KPNA5: variants seen among roughly 807,000 people sequenced by gnomAD.
The protein encoded by KPNA5 is importin subunit alpha-6.
In KPNA5, 46 loss-of-function variants were observed where a neutral mutation model predicts 71.3. The observed-to-expected ratio is 0.65, with a 90% confidence interval of 0.51 to 0.83. KPNA5 has a LOEUF of 0.83. Ranked by LOEUF, KPNA5 falls within the 40% of genes least tolerant of loss-of-function variation. KPNA5 has a pLI of 0.00. For synonymous variants in KPNA5, 207 were observed against 201.4 expected (o/e 1.03, Z -0.24); for missense variants, 547 against 628.3 (o/e 0.87, Z 1.38).
chr6:116,724,356 GTGA>G lies in KPNA5; in HGVS notation c.985_987del (p.Asp329del). 2 of 1,610,300 alleles carry G rather than the reference GTGA, an allele frequency of 1.2e-6. No homozygotes were observed. Among genetic ancestry groups the G allele is most frequent in the Non-Finnish European group, 1.7e-6 (2 of 1,176,836 alleles). ...AGGGCAGTTGGTAATATTGTGACTG[GTGA>G]TGATATTCAAACACAGGTGAGTTCA... On this transcript the variant is annotated inframe_deletion, in exon 10 of 14. Transcript: ENST00000368564.
intron 4 of KPNA5, among the ~76,000 whole-genome samples, chr6:116,693,749 C>T (rs1328801576): frequency 1.3e-5 from 2 of 151,938 alleles, no homozygotes; most frequent in African/African-American, 4.8e-5. Flanking sequence ...AATTAGATCC[C>T]ATTTGTCAAT....
chr6:116,718,912 C>A (rs1779005913), intron 8 of KPNA5, among the ~76,000 whole-genome samples: 1 of 150,992 alleles, frequency 6.6e-6, no homozygotes, highest in African/African-American at 2.4e-5. Flanking sequence ...GGATTACAGA[C>A]ACCTGCCACC....
intron 8 of KPNA5, among the ~76,000 whole-genome samples, chr6:116,717,462 A>G (rs893766219): frequency 2.0e-5 from 3 of 152,096 alleles, no homozygotes; most frequent in Non-Finnish European, 2.9e-5. Flanking sequence ...TAATAATGTA[A>G]TCTGTCACTG....
rs369982059 is a variant in KPNA5, at chr6:116,696,341, CA to C, written c.341-2360del. On this transcript the variant is annotated intron_variant, in intron 4 of 13. Transcript: ENST00000368564. ...TTTACTGTATTTTTATTTGATCTGT[CA>C]AAGTAGGAAATATGGGAAAGCAAGC... Among the ~76,000 whole-genome samples the C allele has an allele frequency of 3.9e-3, 601 of 152,220 alleles. 15 individuals carry two copies. In the South Asian group the frequency reaches 0.041, roughly 10 times the overall value.
At chr6:116,686,945 G>A (rs1353424988) in intron 1 of KPNA5, among the ~76,000 whole-genome samples, 1 of 152,176 alleles carries the variant, frequency 6.6e-6, no homozygotes, top group African/African-American at 2.4e-5. Flanking sequence ...CTGTAGTACA[G>A]ATTGAAGTCA....
chr6:116,723,965 C>T (rs2114490208), intron 9 of KPNA5, among the ~76,000 whole-genome samples: 2 of 152,182 alleles, frequency 1.3e-5, no homozygotes, highest in Admixed American at 1.3e-4. Context: ...AAGGTTATAG[C>T]ACTTACGATA....
In KPNA5 at chr6:116,722,232, A is replaced by G; in HGVS notation, c.863A>G (p.Asp288Gly). 1 of 1,613,318 alleles carries G rather than the reference A, an allele frequency of 6.2e-7. No individual in the cohort carries two copies. The highest frequency in any genetic ancestry group is 1.1e-5 in the South Asian group (1 of 90,954). ...TCTTATCTCTCCGATGGACCCAATG[A>G]TAAAATTCAAGCAGTCATTGATTCT... ...ALSYLSDGPN[D>G]KIQAVIDSGV... The change falls in exon 9 of 14, where the codon GAT becomes GGT. Residue 288 changes from aspartate to glycine, a missense_variant. Transcript: ENST00000368564.
At chr6:116,716,343 A>G in intron 8 of KPNA5, 25 bp downstream of exon 8, 2 of 1,462,258 alleles carry the variant, frequency 1.4e-6, no homozygotes, top group Non-Finnish European at 9.5e-7. Flanking sequence ...CACAAATTAA[A>G]ATATTTGTTT....
chr6:116,711,832 G>A (rs1412905651), intron 7 of KPNA5, among the ~76,000 whole-genome samples: 4 of 152,076 alleles, frequency 2.6e-5, no homozygotes, highest in East Asian at 1.9e-4. Flanking sequence ...ACGTTGGCCC[G>A]GCTGGTCTCA....
chr6:116,709,800 C>G (rs1460909841), intron 7 of KPNA5, among the ~76,000 whole-genome samples: 1 of 150,758 alleles, frequency 6.6e-6, no homozygotes, highest in Non-Finnish European at 1.5e-5. Flanking sequence ...GAGTCATGCT[C>G]TGTCGCCAGG....
chr6:116,683,887 G>A (rs1185596360), intron 1 of KPNA5, among the ~76,000 whole-genome samples: 3 of 139,020 alleles, frequency 2.2e-5, no homozygotes, highest in African/African-American at 5.3e-5. Flanking sequence ...GTGAGCCACC[G>A]TGCCCGGCCT....
rs888325805 is a variant in KPNA5, at chr6:116,736,668, A to G, written c.*4345A>G. 1 of 151,988 alleles carries G rather than the reference A, an allele frequency of 6.6e-6. No individual in the cohort carries two copies. Among genetic ancestry groups the G allele is most frequent in the Non-Finnish European group, 1.5e-5 (1 of 67,930 alleles). 9.4% of individuals were successfully genotyped at this position (151,988 alleles called of 1,614,324 possible). A position where few individuals can be genotyped will look rare whatever the true frequency, so the allele number is the denominator to read the frequency against. On this transcript the variant is annotated 3_prime_UTR_variant, in exon 14 of 14. Transcript: ENST00000368564. Reference sequence around the variant, plus strand: ...TTTTCATCAAATTTGAAAACACAGCAATTATTTAAACATTTTTTCATTTCC... The same window carrying G: ...TTTTCATCAAATTTGAAAACACAGCGATTATTTAAACATTTTTTCATTTCC...
rs759150352 is a variant in KPNA5, at chr6:116,716,220, T to C, written c.658T>C (p.Leu220=). The C allele has an allele frequency of 4.4e-6, 7 of 1,607,830 alleles. No homozygotes were observed. The highest frequency in any genetic ancestry group is 1.3e-5 in the African/African-American group (1 of 74,632). Residue 220 remains leucine, a splice_region_variant and synonymous_variant, in exon 8 of 14, where the codon TTA becomes CTA. Transcript: ENST00000368564. ...TCTTTTTTTTCTTTTTCTTGGCAGG[T>C]TATTAACAAATTCAAACAGACTCAC... ...NCEILPPLLE[L]LTNSNRLTTT...
chr6:116,729,661 T>G lies in KPNA5; in HGVS notation c.1352T>G (p.Ile451Ser). The G allele has an allele frequency of 6.2e-7, 1 of 1,611,178 alleles. No homozygotes were observed. The highest frequency in any genetic ancestry group is 8.5e-7 in the Non-Finnish European group (1 of 1,178,484). The part of the protein sequence containing the change: ...VQVALNGLEN[I>S]LRLGEQESKQ... ...GTGGCTTTAAATGGACTTGAAAATA[T>G]TTTACGTCTTGGAGAACAAGAATCT... Residue 451 changes from isoleucine to serine, a missense_variant, in exon 13 of 14, where the codon ATT becomes AGT. Coordinates refer to ENST00000368564, the MANE Select transcript of KPNA5 (RefSeq NM_001366306.2).
At chr6:116,696,739 A>G (rs1261708664) in intron 4 of KPNA5, among the ~76,000 whole-genome samples, 1 of 152,090 alleles carries the variant, frequency 6.6e-6, no homozygotes, top group Non-Finnish European at 1.5e-5. Context: ...AATGACTAAA[A>G]GTCTTCTCGG....
At chr6:116,724,711 C>G (rs1779233603) in intron 10 of KPNA5, among the ~76,000 whole-genome samples, 1 of 152,138 alleles carries the variant, frequency 6.6e-6, no homozygotes, top group Non-Finnish European at 1.5e-5. Flanking sequence ...CTGGCTCAAG[C>G]AGTCCTCCCG....
chr6:116,707,486 C>G (rs1778491343), intron 7 of KPNA5, among the ~76,000 whole-genome samples: 1 of 152,202 alleles, frequency 6.6e-6, no homozygotes, highest in African/African-American at 2.4e-5. Context: ...CAGGTCAAAT[C>G]TGGCTTGCTT....
intron 8 of KPNA5, among the ~76,000 whole-genome samples, chr6:116,719,936 AC>A (rs1779042153): frequency 6.6e-6 from 1 of 152,192 alleles, no homozygotes; most frequent in South Asian, 2.1e-4. Context: ...ATGCAGACTT[AC>A]ACTTATCTCC....
rs778285409 is a variant in KPNA5, at chr6:116,698,801, G to A, written c.435+3G>A. 4 of 1,506,306 alleles carry A rather than the reference G, an allele frequency of 2.7e-6. 1 individual carries two copies. Among genetic ancestry groups the A allele is most frequent in the South Asian group, 1.2e-5 (1 of 81,928 alleles). The allele number at this position is 1,506,306 out of a possible 1,614,324, so 93.3% of individuals were successfully genotyped here. A position where few individuals can be genotyped will look rare whatever the true frequency, so the allele number is the denominator to read the frequency against. ...GAAATGAAAATTGCACTTTACAAGT[G>A]AGTCTAAAGTTTTCTTTCTTAATTT... On this transcript the variant is annotated splice_donor_region_variant and intron_variant, in intron 5 of 13. Coordinates refer to ENST00000368564, the MANE Select transcript of KPNA5 (RefSeq NM_001366306.2).
Sources: gnomAD v4.1 joint callset for allele counts (sites outside exome capture counted in the v4.1 genomes callset) on GRCh38, gnomAD v4.1.1 for gene constraint, MANE v1.5 for transcripts, NCBI Gene and HGNC (gene_info 2026-07-23, HGNC 2026-07-21) for gene names.